Variants in MAGI2 observed in about 807,000 individuals in gnomAD.
MAGI2 encodes membrane-associated guanylate kinase, WW and PDZ domain-containing protein 2.
MAGI2 carries 35 observed loss-of-function variants against 133.3 expected under a neutral mutation model. That is an observed-to-expected ratio of 0.26 (90% CI 0.20 to 0.35). The LOEUF (loss-of-function observed/expected upper bound fraction) is 0.35, where lower values mean the gene tolerates loss of function less well. MAGI2 is among the 10% of genes least tolerant of loss of function. MAGI2 has a pLI of 1.00. For missense variants in MAGI2, 1,636 were observed against 1,863.4 expected (o/e 0.88, Z 2.25); for synonymous variants, 729 against 710.6 (o/e 1.03, Z -0.41).
At chr7:79,353,542 T>C in intron 1 of MAGI2, 1 of 452,920 alleles carries the variant, frequency 2.2e-6, no homozygotes, top group South Asian at 1.6e-5. Context: ...TGGCCACCAC[T>C]GCTTCAAGGC....
At chr7:78,778,810 A>G (rs1023476470) in intron 2 of MAGI2, among the ~76,000 whole-genome samples, 1 of 152,112 alleles carries the variant, frequency 6.6e-6, no homozygotes, top group African/African-American at 2.4e-5. Context: ...CTAATCTCTC[A>G]GGTATATTGT....
chr7:78,689,093 C>T (rs943881897), intron 2 of MAGI2, among the ~76,000 whole-genome samples: 1 of 152,118 alleles, frequency 6.6e-6, no homozygotes, highest in East Asian at 1.9e-4. Context: ...TCGCTTTGGT[C>T]TTTCACAATA....
At chr7:79,075,820 A>G (rs1233192513) in intron 1 of MAGI2, among the ~76,000 whole-genome samples, 2 of 152,184 alleles carry the variant, frequency 1.3e-5, no homozygotes, top group East Asian at 3.9e-4. Context: ...AGTTTCAGGG[A>G]AAACACAACT....
intron 6 of MAGI2, among the ~76,000 whole-genome samples, chr7:78,411,675 A>G (rs754195285): frequency 8.6e-5 from 13 of 151,996 alleles, no homozygotes; most frequent in Non-Finnish European, 1.6e-4. Context: ...TAGTCTTCAT[A>G]TTTTCCTGTG....
At chr7:78,870,428 C>G (rs1349373738) in intron 2 of MAGI2, among the ~76,000 whole-genome samples, 1 of 150,978 alleles carries the variant, frequency 6.6e-6, no homozygotes, top group East Asian at 1.9e-4. Context: ...ATACAAATGA[C>G]CAAAAAATAT....
At chr7:78,683,616 A>G (rs976805959) in intron 2 of MAGI2, among the ~76,000 whole-genome samples, 1 of 152,196 alleles carries the variant, frequency 6.6e-6, no homozygotes, top group Non-Finnish European at 1.5e-5. Flanking sequence ...ATCTTCAAGT[A>G]TAGACTATTC....
At chr7:78,497,897 A>G (rs1365609176) in intron 5 of MAGI2, among the ~76,000 whole-genome samples, 2 of 152,052 alleles carry the variant, frequency 1.3e-5, no homozygotes, top group African/African-American at 4.8e-5. Flanking sequence ...GCCAGAGGAG[A>G]GTTTCATTAC....
At chr7:78,157,689 C>T (rs894967346) in intron 16 of MAGI2, among the ~76,000 whole-genome samples, 2 of 152,154 alleles carry the variant, frequency 1.3e-5, no homozygotes, top group Admixed American at 1.3e-4. Context: ...ATTGGAAAGA[C>T]TGGAATGGCT....
At position 79,006,941 on chromosome 7, in the gene MAGI2, A is replaced by G. The variant is rs1807511264; in HGVS notation, c.418+149T>C. On this transcript the variant is annotated intron_variant, in intron 2 of 21. Transcript: ENST00000354212. ...TACTACTGCAGTTATAAGCATTTGC[A>G]CTTAAAATTGCCACATCTCAAATAA... The G allele has an allele frequency of 5.4e-6, 3 of 552,764 alleles. No homozygotes were observed. In the Admixed American group the frequency reaches 1.1e-4, roughly 20 times the overall value. The allele number at this position is 552,764 out of a possible 1,614,324, so 34.2% of individuals were successfully genotyped here. A position where few individuals can be genotyped will look rare whatever the true frequency, so the allele number is the denominator to read the frequency against.
chr7:78,823,985 A>G (rs1790401482), intron 2 of MAGI2, among the ~76,000 whole-genome samples: 1 of 152,166 alleles, frequency 6.6e-6, no homozygotes, highest in South Asian at 2.1e-4. Flanking sequence ...GTTCCTATTG[A>G]AATTTCTCAG....
At chr7:78,020,528 G>T (rs1461663434) in intron 21 of MAGI2, among the ~76,000 whole-genome samples, 1 of 151,940 alleles carries the variant, frequency 6.6e-6, no homozygotes. Flanking sequence ...CATTAGAATT[G>T]TCTTGGGCTA....
intron 1 of MAGI2, among the ~76,000 whole-genome samples, chr7:79,141,380 A>G (rs193105033): frequency 2.3e-3 from 345 of 152,268 alleles, no homozygotes; most frequent in Admixed American, 4.6e-3. Context: ...TCCCTTTCAA[A>G]TGTCTGTATC....
At chr7:79,101,659 G>A (rs1375571529) in intron 1 of MAGI2, among the ~76,000 whole-genome samples, 2 of 147,494 alleles carry the variant, frequency 1.4e-5, no homozygotes, top group African/African-American at 5.0e-5. Flanking sequence ...GGGAGGTGGA[G>A]CTTGTAGTGA....
intron 1 of MAGI2, among the ~76,000 whole-genome samples, chr7:79,346,910 A>G (rs1563138693): frequency 6.6e-6 from 1 of 152,040 alleles, no homozygotes; most frequent in East Asian, 1.9e-4. Flanking sequence ...CACATCTGTG[A>G]TAATAGCTCT....
intron 2 of MAGI2, among the ~76,000 whole-genome samples, chr7:78,703,015 G>T (rs887423090): frequency 2.6e-5 from 4 of 151,990 alleles, no homozygotes; most frequent in African/African-American, 7.2e-5. Context: ...AATGTTGGAA[G>T]ATTTTCAAAA....
chr7:78,153,546 T>A (rs554889996), intron 16 of MAGI2, among the ~76,000 whole-genome samples: 2 of 152,348 alleles, frequency 1.3e-5, no homozygotes, highest in Middle Eastern at 3.4e-3. Flanking sequence ...GCTGGGTTAG[T>A]GTATTTAAGT....
At chr7:78,294,322 A>G (rs1003121746) in intron 9 of MAGI2, among the ~76,000 whole-genome samples, 1 of 152,268 alleles carries the variant, frequency 6.6e-6, no homozygotes, top group Non-Finnish European at 1.5e-5. Flanking sequence ...AATAGGGAGT[A>G]TTAAAATAGT....
At chr7:78,699,298 A>G (rs1182546674) in intron 2 of MAGI2, among the ~76,000 whole-genome samples, 1 of 152,114 alleles carries the variant, frequency 6.6e-6, no homozygotes, top group African/African-American at 2.4e-5. Flanking sequence ...ATAAGGTCTC[A>G]CTGTATTACC....
chr7:78,175,392 C>T (rs1304202628), intron 14 of MAGI2, among the ~76,000 whole-genome samples: 1 of 152,136 alleles, frequency 6.6e-6, no homozygotes, highest in African/African-American at 2.4e-5. Context: ...TTTGGGGCCC[C>T]TCAGCTGAGG....
Sources: gnomAD v4.1 joint callset for allele counts (sites outside exome capture counted in the v4.1 genomes callset) on GRCh38, gnomAD v4.1.1 for gene constraint, MANE v1.5 for transcripts, NCBI Gene and HGNC (gene_info 2026-07-23, HGNC 2026-07-21) for gene names.